CTNNAL1: variants seen among roughly 807,000 people sequenced by gnomAD.
CTNNAL1 encodes catenin alpha like 1.
CTNNAL1 carries 69 observed loss-of-function variants against 93.6 expected under a neutral mutation model. The ratio of observed to expected loss-of-function variants is 0.74; its 90% CI spans 0.61 to 0.90. The LOEUF is 0.90. Among genes scored for constraint, CTNNAL1 ranks in the 40% least tolerant of loss-of-function variants. The probability of loss-of-function intolerance (pLI) is 0.00; values close to 1 mark genes in which losing one functional copy is unlikely to be tolerated. For missense variants in CTNNAL1, 836 were observed against 862.0 expected (o/e 0.97, Z 0.38); for synonymous variants, 286 against 305.4 (o/e 0.94, Z 0.66).
intron 12 of CTNNAL1, among the ~76,000 whole-genome samples, chr9:108,955,119 C>T (rs147164453): frequency 0.011 from 1,609 of 152,118 alleles, 25 homozygotes; most frequent in African/African-American, 0.037. Flanking sequence ...TCTGCCACCA[C>T]GCCTGGCTAA....
chr9:108,970,372 T>C (rs1831076795), intron 10 of CTNNAL1, 30 bp downstream of exon 10: 1 of 1,593,486 alleles, frequency 6.3e-7, no homozygotes, highest in Non-Finnish European at 8.5e-7. Flanking sequence ...TAGGACACAA[T>C]ACAGAAGGAG....
At chr9:108,952,870 T>C (rs112664895) in intron 12 of CTNNAL1, among the ~76,000 whole-genome samples, 2,722 of 152,334 alleles carry the variant, frequency 0.018, 32 homozygotes, top group Non-Finnish European at 0.025. Context: ...AAGATTCTTA[T>C]AATGCTTGAA....
chr9:108,943,616 T>C, intron 17 of CTNNAL1, 87 bp downstream of exon 17: 1 of 1,091,534 alleles, frequency 9.2e-7, no homozygotes, highest in African/African-American at 1.6e-5. Context: ...ATTGCCCTTC[T>C]GTGGGTACTA....
chr9:108,999,814 G>A (rs887466641), intron 1 of CTNNAL1, among the ~76,000 whole-genome samples: 9 of 152,066 alleles, frequency 5.9e-5, no homozygotes, highest in African/African-American at 9.7e-5. Context: ...CAAAATAAAC[G>A]AAATACCGAG....
Position 108,970,487 on chromosome 9 carries a change from C to T in CTNNAL1, c.1355G>A (p.Arg452Gln), listed in dbSNP as rs185777252. The T allele has an allele frequency of 2.7e-5, 43 of 1,610,662 alleles. No homozygotes were observed. The highest frequency in any genetic ancestry group is 1.1e-4 in the South Asian group (10 of 90,556). The change falls in exon 10 of 19, where the codon CGA (arginine) becomes CAA (glutamine). Residue 452 changes from arginine (R) to glutamine (Q), a missense_variant. By Grantham distance (43) the Arg-to-Gln change is conservative (BLOSUM62 1). Transcript: ENST00000325551. ...TGTCCCAGATATGTGTCGTAACAAT[C>T]GACAGGTCTACAAGACAATATGTCT... ...EQKEQLVETC[R>Q]LLRHISGTEP...
At chr9:108,990,668 C>A in intron 4 of CTNNAL1, 58 bp downstream of exon 4, 1 of 1,553,198 alleles carries the variant, frequency 6.4e-7, no homozygotes, top group East Asian at 2.3e-5. Flanking sequence ...ATCATACCTC[C>A]ATCCAAACTA....
intron 12 of CTNNAL1, among the ~76,000 whole-genome samples, chr9:108,953,493 T>C (rs28969508): frequency 4.6e-5 from 7 of 151,280 alleles, no homozygotes; most frequent in Admixed American, 2.0e-4. Context: ...TGGATTCACA[T>C]ACCTGCACAC....
Position 108,972,657 on chromosome 9 carries a change from A to G in CTNNAL1, c.1347+18T>C, listed in dbSNP as rs1831147000. ...GCCATTATTAAACTACAATTTCTTT[A>G]GCACCTTGTTTACTCACCTCAACAA... is the stretch of plus-strand genomic sequence containing the variant. On this transcript the variant is annotated intron_variant, in intron 9 of 18. Coordinates refer to ENST00000325551, the MANE Select transcript of CTNNAL1 (RefSeq NM_003798.4). 3 of 1,594,628 alleles carry G rather than the reference A, an allele frequency of 1.9e-6. No homozygotes were observed. Among genetic ancestry groups the G allele is most frequent in the Non-Finnish European group, 2.6e-6 (3 of 1,171,602 alleles).
chr9:108,969,879 C>T (rs1831060999), intron 10 of CTNNAL1, among the ~76,000 whole-genome samples: 1 of 151,894 alleles, frequency 6.6e-6, no homozygotes, highest in South Asian at 2.1e-4. Context: ...GCTGTGTTGC[C>T]CAGGCTAGTC....
chr9:108,997,252 G>A (rs554062458), intron 2 of CTNNAL1, among the ~76,000 whole-genome samples: 2 of 152,142 alleles, frequency 1.3e-5, no homozygotes, highest in African/African-American at 4.8e-5. Flanking sequence ...CCACCTTAAT[G>A]AGTATTTTGT....
rs112629790 is a variant in CTNNAL1 at position 108,992,833 on chromosome 9, C to A, written c.332-14G>T. 5.6e-6 allele frequency: 9 copies of A among 1,596,094 alleles called. No individual in the cohort carries two copies. Among genetic ancestry groups the A allele is most frequent in the Non-Finnish European group, 7.7e-6 (9 of 1,172,374 alleles). The stretch of plus-strand genomic sequence containing the variant: ...CAATTGTTTCTCCTAACAAGAAAGA[C>A]GAGGGGAGAAAGTTAAACAGGCATA... On this transcript the variant is annotated splice_polypyrimidine_tract_variant and intron_variant, in intron 2 of 18. Transcript: ENST00000325551.
intron 4 of CTNNAL1, among the ~76,000 whole-genome samples, chr9:108,987,042 A>G (rs1275053556): frequency 6.6e-6 from 1 of 151,958 alleles, no homozygotes; most frequent in African/African-American, 2.4e-5. Context: ...ATTAGATCCC[A>G]TTTGTCAATG....
At chr9:108,958,589 C>T (rs1830744828) in intron 11 of CTNNAL1, among the ~76,000 whole-genome samples, 1 of 152,152 alleles carries the variant, frequency 6.6e-6, no homozygotes, top group Non-Finnish European at 1.5e-5. Context: ...AGGTAAGATT[C>T]TTCCTCTTTC....
chr9:109,004,297 C>T (rs1826946426), intron 1 of CTNNAL1, among the ~76,000 whole-genome samples: 2 of 152,144 alleles, frequency 1.3e-5, no homozygotes, highest in Non-Finnish European at 2.9e-5. Context: ...TACAACAATC[C>T]AGTGAAATAG....
intron 1 of CTNNAL1, among the ~76,000 whole-genome samples, chr9:109,004,280 A>C (rs112686569): frequency 6.6e-6 from 1 of 152,152 alleles, no homozygotes; most frequent in Non-Finnish European, 1.5e-5. Flanking sequence ...ATTACCCTAT[A>C]ATGTCGTACA....
intron 11 of CTNNAL1, among the ~76,000 whole-genome samples, chr9:108,963,287 G>A (rs1041514970): frequency 3.9e-5 from 6 of 152,184 alleles, no homozygotes; most frequent in Admixed American, 2.0e-4. Context: ...AGAACAGCCC[G>A]ATTTAGAAAC....
chr9:108,976,303 A>G (rs1831264062), intron 8 of CTNNAL1, among the ~76,000 whole-genome samples: 1 of 152,124 alleles, frequency 6.6e-6, no homozygotes, highest in African/African-American at 2.4e-5. Context: ...AGTATGTCTT[A>G]GTGATTCATC....
intron 10 of CTNNAL1, among the ~76,000 whole-genome samples, chr9:108,967,663 A>G (rs1830997097): frequency 6.6e-6 from 1 of 152,180 alleles, no homozygotes; most frequent in Non-Finnish European, 1.5e-5. Context: ...GAGTCACTGA[A>G]AAGGTGAGGG....
chr9:108,980,927 A>T (rs1831408710), intron 6 of CTNNAL1, among the ~76,000 whole-genome samples: 1 of 152,146 alleles, frequency 6.6e-6, no homozygotes, highest in South Asian at 2.1e-4. Flanking sequence ...ACATTTGTCC[A>T]TATATTCATG....
Sources: gnomAD v4.1 joint callset for allele counts (sites outside exome capture counted in the v4.1 genomes callset) on GRCh38, gnomAD v4.1.1 for gene constraint, MANE v1.5 for transcripts, NCBI Gene and HGNC (gene_info 2026-07-23, HGNC 2026-07-21) for gene names.